The following ZDHHC17 variants were observed in gnomAD, a reference collection of about 807,000 sequenced individuals.
The protein encoded by ZDHHC17 is zDHHC palmitoyltransferase 17.
In ZDHHC17, 40 loss-of-function variants were observed where a neutral mutation model predicts 90.3. The ratio of observed to expected loss-of-function variants is 0.44; its 90% CI spans 0.34 to 0.58. The LOEUF is 0.58. ZDHHC17 is among the 20% of genes least tolerant of loss of function. ZDHHC17 has a pLI of 0.01. For missense variants in ZDHHC17, 614 were observed against 780.8 expected, an observed-to-expected ratio of 0.79 and a Z score of 2.55; for synonymous variants, 235 against 252.4, an observed-to-expected ratio of 0.93 and a Z score of 0.65.
At chr12:76,814,210 G>A (rs1037841251) in intron 5 of ZDHHC17, among the ~76,000 whole-genome samples, 3 of 151,922 alleles carry the variant, frequency 2.0e-5, no homozygotes, top group Non-Finnish European at 4.4e-5. Flanking sequence ...AGGAGAATTA[G>A]ATAACTAGGA....
chr12:76,793,217 G>A (rs989441626), intron 1 of ZDHHC17, among the ~76,000 whole-genome samples: 1 of 152,154 alleles, frequency 6.6e-6, no homozygotes, highest in African/African-American at 2.4e-5. Flanking sequence ...ATAATGAAGT[G>A]CTTTGTTTAA....
Position 76,851,249 on chromosome 12 carries a change from T to C in ZDHHC17, c.*264T>C, listed in dbSNP as rs1282053380. 2.5e-6 allele frequency: 1 copy of C among 397,972 alleles called. No individual in the cohort carries two copies. The highest frequency in any genetic ancestry group is 4.5e-6 in the Non-Finnish European group (1 of 223,768). 24.7% of individuals were successfully genotyped at this position (397,972 alleles called of 1,614,324 possible). ...TGGAAATTCACAACATACTCAACTT[T>C]TGGGTTTTGTTCTCACAGTATTTTT... On this transcript the variant is annotated 3_prime_UTR_variant, in exon 17 of 17. Transcript: ENST00000426126.
rs757248946 is a variant in ZDHHC17 at position 76,797,529 on chromosome 12, G to A, written c.189G>A (p.Lys63=). Residue 63 remains lysine, a synonymous_variant, in exon 2 of 17, where the codon AAG becomes AAA. Coordinates refer to ENST00000426126, the MANE Select transcript of ZDHHC17 (RefSeq NM_015336.4). The part of the protein sequence containing the change: ...IDDYSTWDIV[K]ATQYGIYERC... ...ATTACAGCACATGGGACATAGTCAA[G>A]GCTACACAGTAAGGTTTTTGTTGTA... The A allele has an allele frequency of 1.3e-6, 2 of 1,595,796 alleles. No individual in the cohort carries two copies. Among genetic ancestry groups the A allele is most frequent in the Admixed American group, 1.8e-5 (1 of 57,126 alleles).
chr12:76,826,818 C>T, intron 8 of ZDHHC17, 90 bp from the exon 9 acceptor site: 1 of 1,301,404 alleles, frequency 7.7e-7, no homozygotes, highest in Non-Finnish European at 1.0e-6. Flanking sequence ...ATTTCACCCG[C>T]TGTTGCATGC....
chr12:76,849,955 C>T (rs1268820843), intron 16 of ZDHHC17, among the ~76,000 whole-genome samples: 1 of 152,114 alleles, frequency 6.6e-6, no homozygotes, highest in Non-Finnish European at 1.5e-5. Flanking sequence ...GAGTCTTGCT[C>T]TGTCACCCAG....
intron 10 of ZDHHC17, among the ~76,000 whole-genome samples, chr12:76,838,326 G>A (rs2137798804): frequency 6.6e-6 from 1 of 152,220 alleles, no homozygotes; most frequent in South Asian, 2.1e-4. Context: ...AAGTACACTA[G>A]CATAGTTGTT....
intron 1 of ZDHHC17, among the ~76,000 whole-genome samples, chr12:76,791,378 GTT>G (rs1357526229): frequency 2.0e-5 from 3 of 151,966 alleles, no homozygotes; most frequent in Non-Finnish European, 4.4e-5. Context: ...GTTTTCCTTT[GTT>G]GCCAAATTTT....
intron 1 of ZDHHC17, among the ~76,000 whole-genome samples, chr12:76,791,649 A>G (rs182208121): frequency 1.3e-5 from 2 of 152,188 alleles, no homozygotes; most frequent in African/African-American, 4.8e-5. Flanking sequence ...TGAACTCACT[A>G]TACTTAGTAT....
chr12:76,833,514 C>T (rs995953684), intron 10 of ZDHHC17, among the ~76,000 whole-genome samples: 4 of 152,124 alleles, frequency 2.6e-5, no homozygotes, highest in Admixed American at 1.3e-4. Context: ...TTTAATTGGC[C>T]GGGCATGGTG....
intron 14 of ZDHHC17, among the ~76,000 whole-genome samples, chr12:76,847,735 G>A (rs1953512356): frequency 2.0e-5 from 3 of 152,138 alleles, no homozygotes; most frequent in Admixed American, 1.3e-4. Context: ...GCGCATGCCT[G>A]TAGTCCCAGC....
intron 8 of ZDHHC17, among the ~76,000 whole-genome samples, chr12:76,825,834 T>C (rs1351490866): frequency 6.6e-6 from 1 of 152,078 alleles, no homozygotes; most frequent in Admixed American, 6.5e-5. Context: ...GGGTTTTCTT[T>C]TTTCTTTTGG....
chr12:76,775,148 A>G (rs1165791081), intron 1 of ZDHHC17, among the ~76,000 whole-genome samples: 3 of 152,166 alleles, frequency 2.0e-5, no homozygotes, highest in Non-Finnish European at 4.4e-5. Context: ...ACAATTGTAC[A>G]CCTGCTGCCC....
chr12:76,822,650 T>C (rs894121691), intron 8 of ZDHHC17, 119 bp downstream of exon 8: 22 of 745,790 alleles, frequency 2.9e-5, no homozygotes, highest in Non-Finnish European at 4.4e-5. Flanking sequence ...TGCCTCTCGG[T>C]TTAAAGTGAT....
intron 1 of ZDHHC17, chr12:76,781,644 T>C: frequency 2.2e-6 from 1 of 456,098 alleles, no homozygotes; most frequent in Non-Finnish European, 4.4e-6. Flanking sequence ...CCTTGCCAGA[T>C]GTGGGCCCCT....
chr12:76,839,305 G>A (rs1428362164), intron 10 of ZDHHC17, among the ~76,000 whole-genome samples: 1 of 152,202 alleles, frequency 6.6e-6, no homozygotes, highest in Non-Finnish European at 1.5e-5. Flanking sequence ...TACAGGTAGA[G>A]CAGGATTAGG....
At chr12:76,825,679 G>GA (rs11321911) in intron 8 of ZDHHC17, among the ~76,000 whole-genome samples, 20 of 150,694 alleles carry the variant, frequency 1.3e-4, no homozygotes, top group Admixed American at 4.0e-4. Flanking sequence ...TCATTTATAT[G>GA]AAAAAAAAAA....
At chr12:76,780,830 A>G (rs2137723368) in intron 1 of ZDHHC17, among the ~76,000 whole-genome samples, 1 of 152,258 alleles carries the variant, frequency 6.6e-6, no homozygotes. Context: ...CCAAATTAAG[A>G]AGTCCGATAG....
intron 1 of ZDHHC17, among the ~76,000 whole-genome samples, chr12:76,774,875 A>G (rs939591024): frequency 2.4e-4 from 36 of 152,232 alleles, no homozygotes; most frequent in Non-Finnish European, 8.8e-5. Flanking sequence ...AAATTGCAAT[A>G]GTGACTGTCA....
At chr12:76,835,923 C>CCT (rs200979444) in intron 10 of ZDHHC17, among the ~76,000 whole-genome samples, 21,826 of 150,870 alleles carry the variant, frequency 0.14, 1,966 homozygotes, top group Non-Finnish European at 0.2. Context: ...TCTACACCCC[C>CCT]TTTTTTTTAA....
Sources: allele counts gnomAD v4.1 joint callset (sites outside exome capture counted in the v4.1 genomes callset), GRCh38; gene constraint gnomAD v4.1.1; transcripts MANE v1.5; gene names NCBI Gene and HGNC (gene_info 2026-07-23, HGNC 2026-07-21).